The following RECQL5 variants were observed in gnomAD, a reference collection of about 807,000 sequenced individuals.
The protein encoded by RECQL5 is RecQ like helicase 5.
In RECQL5, 88 loss-of-function variants were observed where a neutral mutation model predicts 103.4. That is an observed-to-expected ratio of 0.85 (90% CI 0.72 to 1.02). RECQL5 has a LOEUF of 1.02. Among genes scored for constraint, RECQL5 ranks in the 50% least tolerant of loss-of-function variants. The pLI is 0.00. For missense variants in RECQL5, 1,232 were observed against 1,284.3 expected (o/e 0.96, Z 0.62); for synonymous variants, 552 against 507.9 (o/e 1.09, Z -1.17).
At chr17:75,637,967 G>A (rs1460246223) in intron 8 of RECQL5, 2 of 152,264 alleles carry the variant, frequency 1.3e-5, no homozygotes, top group African/African-American at 4.8e-5. Context: ...CCCACGTATA[G>A]AAGGAAGGAG....
chr17:75,642,205 G>A (rs2059443073), intron 8 of RECQL5, among the ~76,000 whole-genome samples: 1 of 152,184 alleles, frequency 6.6e-6, no homozygotes, highest in African/African-American at 2.4e-5. Flanking sequence ...GGGGAGGGGA[G>A]GCACATGGCT....
intron 8 of RECQL5, 82 bp downstream of exon 8, chr17:75,651,104 T>A: frequency 1.2e-6 from 2 of 1,612,004 alleles, no homozygotes; most frequent in Non-Finnish European, 1.7e-6. Flanking sequence ...GGCTGTCTTA[T>A]GTCAGCTGCT....
chr17:75,654,132 G>T (rs868344977), intron 7 of RECQL5, among the ~76,000 whole-genome samples: 1 of 152,104 alleles, frequency 6.6e-6, no homozygotes, highest in Admixed American at 6.5e-5. Flanking sequence ...CAGCTAAACC[G>T]AAGTGATTGC....
At chr17:75,658,497 G>A (rs760690086) in intron 6 of RECQL5, 37 bp from the exon 7 acceptor site, 21 of 1,601,876 alleles carry the variant, frequency 1.3e-5, no homozygotes, top group Non-Finnish European at 1.8e-5. Flanking sequence ...ATGAGATGGT[G>A]GAGAAGCTGA....
At chr17:75,657,824 C>A in intron 7 of RECQL5, among the ~76,000 whole-genome samples, 1 of 150,264 alleles carries the variant, frequency 6.7e-6, no homozygotes, top group East Asian at 2.0e-4. Context: ...CCGAGGCAGG[C>A]GGATCACGAG....
intron 8 of RECQL5, among the ~76,000 whole-genome samples, chr17:75,631,916 G>GA (rs1464391641): frequency 1.3e-5 from 2 of 152,226 alleles, no homozygotes; most frequent in African/African-American, 4.8e-5. Context: ...CGGGAAGCAG[G>GA]ATGTGAACCC....
Position 75,628,723 on chromosome 17 carries a change from C to A in RECQL5, c.2529G>T (p.Gln843His), listed in dbSNP as rs370135455. The change falls in exon 17 of 20, where the codon CAG becomes CAT. Residue 843 changes from glutamine to histidine, a missense_variant. Transcript: ENST00000317905. Reference protein sequence around the residue: ...PPRDQGTPEVQPTPAKDTWKG... With the variant: ...PPRDQGTPEVHPTPAKDTWKG... Reference sequence around the variant, plus strand: ...TCCATGTGTCCTTTGCAGGGGTGGGCTGGACTTCAGGGGTGCCCTGGTCTC... The same window carrying A: ...TCCATGTGTCCTTTGCAGGGGTGGGATGGACTTCAGGGGTGCCCTGGTCTC... 3 of 1,590,840 alleles carry A rather than the reference C, an allele frequency of 1.9e-6. No homozygotes were observed. The highest frequency in any genetic ancestry group is 2.2e-5 in the East Asian group (1 of 44,844).
chr17:75,627,782 G>T (rs1768438119), intron 18 of RECQL5, 90 bp from the exon 19 acceptor site: 2 of 1,135,962 alleles, frequency 1.8e-6, no homozygotes, highest in Non-Finnish European at 2.6e-6. Flanking sequence ...CACTTTGGGA[G>T]GCCGAGGCGG....
At position 75,645,055 on chromosome 17, in the gene RECQL5, T is replaced by C. The variant is rs564838826; in HGVS notation, c.1229+6131A>G. Among the ~76,000 whole-genome samples the C allele has an allele frequency of 2.3e-4, 35 of 152,310 alleles. No homozygotes were observed. The South Asian group carries it at 5.2e-3, about 23-fold the overall frequency. ...CTGGATTGCTATCTTCTAGTTTTGG[T>C]TGAGTGTGGGCTTGCCAACCACAGC... On this transcript the variant is annotated intron_variant, in intron 8 of 19. Transcript: ENST00000317905.
rs1276768189 is a variant in RECQL5, at chr17:75,629,806, G to A, written c.1849C>T (p.Pro617Ser). Reference sequence around the variant, plus strand: ...TTGGCACTGCCTCCCATGTCATAGGGCTGCCCATCCTTGGAGGCTCTGTGG... The same window carrying A: ...TTGGCACTGCCTCCCATGTCATAGGACTGCCCATCCTTGGAGGCTCTGTGG... ...DIHRASKDGQPYDMGGSAKSC... is the reference protein window; with the variant it reads ...DIHRASKDGQSYDMGGSAKSC... The change falls in exon 15 of 20, where the codon CCC (proline) becomes TCC (serine). Residue 617 changes from proline (P) to serine (S), a missense_variant. Pro to Ser is a moderately conservative substitution (Grantham distance 74). Transcript: ENST00000317905. The A allele has an allele frequency of 6.2e-7, 1 of 1,613,306 alleles. No homozygotes were observed. The highest frequency in any genetic ancestry group is 8.5e-7 in the Non-Finnish European group (1 of 1,179,662).
In RECQL5 at chr17:75,628,661, C is replaced by A; in HGVS notation, c.2580+11G>T. Reference sequence around the variant, plus strand: ...TTCTCTCCTCCCCAACAGACTCATCCCTGCCGGCACCTGCTGGGATCGAGG... The same window carrying A: ...TTCTCTCCTCCCCAACAGACTCATCACTGCCGGCACCTGCTGGGATCGAGG... On this transcript the variant is annotated intron_variant, in intron 17 of 19. Coordinates refer to ENST00000317905, the MANE Select transcript of RECQL5 (RefSeq NM_004259.7). The A allele has an allele frequency of 6.3e-7, 1 of 1,580,700 alleles. No homozygotes were observed.
chr17:75,628,614 C>T, intron 17 of RECQL5, 58 bp downstream of exon 17: 4 of 1,527,670 alleles, frequency 2.6e-6, no homozygotes, highest in Non-Finnish European at 3.5e-6. Flanking sequence ...GGCACAACAG[C>T]TCCTGGCCTC....
At chr17:75,650,130 A>C (rs1455371349) in intron 8 of RECQL5, 1 of 986,238 alleles carries the variant, frequency 1.0e-6, no homozygotes, top group African/African-American at 1.7e-5. Flanking sequence ...AAGCCTAAGA[A>C]GGCCAAATTT....
At position 75,630,270 on chromosome 17, in the gene RECQL5, G is replaced by T. The variant is rs1307289759; in HGVS notation, c.1726C>A (p.Leu576Ile). 6.4e-7 allele frequency: 1 copy of T among 1,557,340 alleles called. No individual in the cohort carries two copies. The highest frequency in any genetic ancestry group is 2.4e-5 in the East Asian group (1 of 42,060). The change falls in exon 14 of 20, where the codon CTC becomes ATC. Residue 576 changes from leucine to isoleucine, a missense_variant. Leu to Ile is a conservative substitution (Grantham distance 5). Transcript: ENST00000317905. ...QSTRTADEAD[L>I]RAKAVELEHE... ...TCCAGCTCCACGGCCTTGGCCCGGA[G>T]GTCAGCTCTGTGGGTGCAAGGTAAC... is the stretch of plus-strand genomic sequence containing the variant.
chr17:75,660,059 G>T (rs2148337520), intron 6 of RECQL5, among the ~76,000 whole-genome samples: 1 of 152,088 alleles, frequency 6.6e-6, no homozygotes, highest in South Asian at 2.1e-4. Context: ...TTGTGTTTTG[G>T]TTTTTGGTGT....
chr17:75,650,448 G>T, intron 8 of RECQL5: 3 of 1,334,426 alleles, frequency 2.2e-6, no homozygotes, highest in Non-Finnish European at 2.9e-6. Context: ...ATCAGGAGAC[G>T]GGTGTTTAGT....
intron 7 of RECQL5, among the ~76,000 whole-genome samples, chr17:75,653,343 T>C (rs1405511629): frequency 6.6e-6 from 1 of 152,212 alleles, no homozygotes; most frequent in African/African-American, 2.4e-5. Context: ...AGTGGAACTC[T>C]AAAGATGGCA....
chr17:75,652,091 G>T (rs911018414), intron 7 of RECQL5, among the ~76,000 whole-genome samples: 1 of 152,086 alleles, frequency 6.6e-6, no homozygotes, highest in African/African-American at 2.4e-5. Flanking sequence ...GCCAGGCATG[G>T]TGGTGCATGT....
chr17:75,641,992 C>T (rs559094439), intron 8 of RECQL5, among the ~76,000 whole-genome samples: 22 of 152,266 alleles, frequency 1.4e-4, no homozygotes, highest in Admixed American at 1.2e-3. Context: ...GCACTCAGCT[C>T]GGTGCTGGGC....
Sources: allele counts gnomAD v4.1 joint callset (sites outside exome capture counted in the v4.1 genomes callset), GRCh38; gene constraint gnomAD v4.1.1; transcripts MANE v1.5; gene names NCBI Gene and HGNC (gene_info 2026-07-23, HGNC 2026-07-21).